The following SLC35F1 variants were observed in gnomAD, a reference collection of about 807,000 sequenced individuals.
SLC35F1 encodes solute carrier family 35 member F1.
Under a neutral mutation model 48.7 loss-of-function variants are expected in SLC35F1, and 14 were observed. The observed-to-expected ratio is 0.29, with a 90% confidence interval of 0.19 to 0.45. The LOEUF (loss-of-function observed/expected upper bound fraction) is 0.45, where lower values mean the gene tolerates loss of function less well. Ranked by LOEUF, SLC35F1 falls within the 20% of genes least tolerant of loss-of-function variation. SLC35F1 has a pLI of 1.00. For synonymous variants in SLC35F1, 190 were observed against 202.2 expected (o/e 0.94, Z 0.51); for missense variants, 404 against 500.0 (o/e 0.81, Z 1.83).
chr6:118,243,520 A>G (rs915660012), intron 3 of SLC35F1, among the ~76,000 whole-genome samples: 2 of 152,214 alleles, frequency 1.3e-5, no homozygotes, highest in Non-Finnish European at 2.9e-5. Flanking sequence ...CTATGAGGCA[A>G]CCGACAGCTA....
intron 1 of SLC35F1, among the ~76,000 whole-genome samples, chr6:118,050,523 AATT>A (rs1562274960): frequency 1.3e-5 from 2 of 152,064 alleles, no homozygotes. Context: ...AGCAGAGAAG[AATT>A]ATTGAAGTGA....
chr6:118,200,109 C>G (rs542857320), intron 2 of SLC35F1, among the ~76,000 whole-genome samples: 1 of 152,084 alleles, frequency 6.6e-6, no homozygotes, highest in Non-Finnish European at 1.5e-5. Context: ...ACCATTCACA[C>G]TCTCACCAGC....
At chr6:117,923,732 T>TACATATATACATATACACATAC (rs1491352187) in intron 1 of SLC35F1, among the ~76,000 whole-genome samples, 1 of 87,310 alleles carries the variant, frequency 1.1e-5, no homozygotes, top group Non-Finnish European at 2.3e-5. Flanking sequence ...TATACATATG[T>TACATATATACATATACACATAC]ATATATACAT....
chr6:118,213,074 G>T (rs773578328), intron 2 of SLC35F1, among the ~76,000 whole-genome samples: 18 of 152,076 alleles, frequency 1.2e-4, no homozygotes, highest in Non-Finnish European at 2.2e-4. Flanking sequence ...GAATCCATCT[G>T]GGCATCTTTT....
intron 1 of SLC35F1, among the ~76,000 whole-genome samples, chr6:118,092,147 C>T (rs1209799867): frequency 1.3e-5 from 2 of 152,166 alleles, no homozygotes; most frequent in African/African-American, 4.8e-5. Flanking sequence ...TGTTAATCAC[C>T]AAGACAGTGT....
intron 1 of SLC35F1, among the ~76,000 whole-genome samples, chr6:118,100,150 C>T (rs1450048013): frequency 6.6e-6 from 1 of 152,122 alleles, no homozygotes; most frequent in Non-Finnish European, 1.5e-5. Context: ...CTATAAGTGA[C>T]AGGAGCTGGA....
intron 1 of SLC35F1, among the ~76,000 whole-genome samples, chr6:118,049,665 A>G (rs1772356249): frequency 6.6e-6 from 1 of 151,938 alleles, no homozygotes; most frequent in Non-Finnish European, 1.5e-5. Flanking sequence ...CCACAATGAG[A>G]CACCATCTCA....
At chr6:118,308,988 A>G (rs1475010213) in intron 7 of SLC35F1, among the ~76,000 whole-genome samples, 1 of 152,136 alleles carries the variant, frequency 6.6e-6, no homozygotes, top group Non-Finnish European at 1.5e-5. Context: ...CTCATCATAG[A>G]TAGCCTTGGG....
chr6:118,183,615 C>G (rs1248265658), intron 2 of SLC35F1, among the ~76,000 whole-genome samples: 2 of 151,604 alleles, frequency 1.3e-5, no homozygotes, highest in African/African-American at 4.8e-5. Flanking sequence ...CAAGAAACAC[C>G]CTTTAAATAA....
intron 1 of SLC35F1, among the ~76,000 whole-genome samples, chr6:118,045,594 C>T (rs1353029163): frequency 6.6e-6 from 1 of 152,230 alleles, no homozygotes; most frequent in Non-Finnish European, 1.5e-5. Flanking sequence ...GCCCTCGCAA[C>T]TGATTCCCGT....
intron 2 of SLC35F1, among the ~76,000 whole-genome samples, chr6:118,229,311 A>G (rs1273808644): frequency 1.3e-5 from 2 of 152,232 alleles, no homozygotes; most frequent in African/African-American, 2.4e-5. Flanking sequence ...AGATCAGGCA[A>G]GGAGACATCA....
chr6:118,282,345 A>G (rs1413309231), intron 6 of SLC35F1, among the ~76,000 whole-genome samples: 2 of 152,246 alleles, frequency 1.3e-5, no homozygotes, highest in Non-Finnish European at 2.9e-5. Context: ...ATTCACATGC[A>G]AAAACATCGG....
At chr6:117,946,791 G>A (rs1299877160) in intron 1 of SLC35F1, among the ~76,000 whole-genome samples, 2 of 152,140 alleles carry the variant, frequency 1.3e-5, no homozygotes, top group African/African-American at 4.8e-5. Flanking sequence ...TTTAACTATT[G>A]CAGACGTTTT....
chr6:118,167,409 ACTACACACC>A (rs1774334601), intron 2 of SLC35F1, among the ~76,000 whole-genome samples: 1 of 152,196 alleles, frequency 6.6e-6, no homozygotes, highest in African/African-American at 2.4e-5. Context: ...GTTATAGCCT[ACTACACACC>A]TAGGCTACAT....
chr6:117,926,417 A>G lies in SLC35F1; in HGVS notation c.173+18518A>G, dbSNP rs74685816. On this transcript the variant is annotated intron_variant, in intron 1 of 7. Coordinates refer to ENST00000360388, the MANE Select transcript of SLC35F1 (RefSeq NM_001029858.4). ...TTACCCAGTCTTGAGTTTTTTTCGTAGCAGCATGAGGATGGACTGATACAC... is the reference window on the plus strand; with the variant it reads ...TTACCCAGTCTTGAGTTTTTTTCGTGGCAGCATGAGGATGGACTGATACAC... Among the ~76,000 whole-genome samples the G allele has an allele frequency of 1.4e-4, 21 of 152,128 alleles. No homozygotes were observed. In the East Asian group the frequency reaches 4.1e-3, roughly 29 times the overall value.
chr6:118,251,041 A>C (rs1275196875), intron 3 of SLC35F1, among the ~76,000 whole-genome samples: 1 of 152,106 alleles, frequency 6.6e-6, no homozygotes, highest in Non-Finnish European at 1.5e-5. Context: ...TAATCCCAGC[A>C]CTTTGGGAGG....
In SLC35F1 at chr6:118,019,347, T is replaced by C. The variant is rs186943022; in HGVS notation, c.173+111448T>C. Among the ~76,000 whole-genome samples the C allele has an allele frequency of 1.2e-3, 189 of 152,268 alleles. 1 individual carries two copies. Among genetic ancestry groups the C allele is most frequent in the African/African-American group, 4.3e-3 (177 of 41,564 alleles). Reference sequence around the variant, plus strand: ...TGTGGCCATTTGAATGCATCTTCTATGTAAGTGTGAATAAACAGTACTAAG... The same window carrying C: ...TGTGGCCATTTGAATGCATCTTCTACGTAAGTGTGAATAAACAGTACTAAG... On this transcript the variant is annotated intron_variant, in intron 1 of 7. Coordinates refer to ENST00000360388, the MANE Select transcript of SLC35F1 (RefSeq NM_001029858.4).
intron 1 of SLC35F1, among the ~76,000 whole-genome samples, chr6:117,953,831 A>G (rs1776393214): frequency 6.6e-6 from 1 of 152,220 alleles, no homozygotes; most frequent in Non-Finnish European, 1.5e-5. Flanking sequence ...TGCCATTGTC[A>G]TAATGGGGCA....
chr6:118,236,385 AT>A (rs1285390449), intron 3 of SLC35F1, among the ~76,000 whole-genome samples: 1 of 152,202 alleles, frequency 6.6e-6, no homozygotes, highest in African/African-American at 2.4e-5. Context: ...AATATTATTA[AT>A]TCCATACCAT....
Sources: gnomAD v4.1 joint callset for allele counts (sites outside exome capture counted in the v4.1 genomes callset) on GRCh38, gnomAD v4.1.1 for gene constraint, MANE v1.5 for transcripts, NCBI Gene and HGNC (gene_info 2026-07-23, HGNC 2026-07-21) for gene names.